The following FGA variants were observed in gnomAD, a reference collection of about 807,000 sequenced individuals.
FGA encodes the protein fibrinogen, A alpha polypeptide.
FGA carries 20 observed loss-of-function variants against 20.3 expected under a neutral mutation model. The observed-to-expected ratio is 0.99, with a 90% CI of 0.69 to 1.43. The LOEUF (loss-of-function observed/expected upper bound fraction) is 1.43. FGA is among the 40% of genes most tolerant of loss of function. The pLI is 0.00. For missense variants in FGA, 777 were observed against 784.7 expected, an observed-to-expected ratio of 0.99 and a Z score of 0.12; for synonymous variants, 306 against 281.6, an observed-to-expected ratio of 1.09 and a Z score of -0.87.
intron 1 of FGA, among the ~76,000 whole-genome samples, 171 bp downstream of exon 1, chr4:154,590,463 A>G (rs1182256084): frequency 6.6e-6 from 1 of 152,164 alleles, no homozygotes; most frequent in African/African-American, 2.4e-5. Flanking sequence ...TTGGTGTCAT[A>G]TTACCCTGTA....
chr4:154,588,849 T>C lies in FGA; in HGVS notation c.308A>G (p.His103Arg). The change falls in exon 3 of 5, where the codon CAT becomes CGT. Residue 103 changes from histidine to arginine, a missense_variant. By Grantham distance (29) the His-to-Arg change is conservative. Coordinates refer to ENST00000403106, the MANE Select transcript of FGA (RefSeq NM_021871.4). Reference sequence around the variant, plus strand: ...TTCCATTATATTAGTGGTCAACGAATGAGAATCCTTATTGTTCTTCTGATA... The same window carrying C: ...TTCCATTATATTAGTGGTCAACGAACGAGAATCCTTATTGTTCTTCTGATA... ...FEYQKNNKDS[H>R]SLTTNIMEIL... 2 of 1,612,172 alleles carry C rather than the reference T, an allele frequency of 1.2e-6. No homozygotes were observed. The highest frequency in any genetic ancestry group is 1.7e-6 in the Non-Finnish European group (2 of 1,178,736).
At position 154,585,970 on chromosome 4, in the gene FGA, C is replaced by A; in HGVS notation, c.1459G>T (p.Asp487Tyr). 1 of 1,614,188 alleles carries A rather than the reference C, an allele frequency of 6.2e-7. No homozygotes were observed. Among genetic ancestry groups the A allele is most frequent in the Non-Finnish European group, 8.5e-7 (1 of 1,180,026 alleles). The change falls in exon 5 of 5, where the codon GAT (aspartate) becomes TAT (tyrosine). Residue 487 changes from aspartate (D) to tyrosine (Y), a missense_variant. Physicochemically the swap from Asp to Tyr is radical, Grantham distance 160. Coordinates refer to ENST00000403106, the MANE Select transcript of FGA (RefSeq NM_021871.4). ...EVTKEVVTSE[D>Y]GSDCPEAMDL... is the part of the protein sequence containing the mutation. ...ATTGCCTCGGGACAGTCAGAACCAT[C>A]TTCGGAGGTCACCACTTCTTTGGTA... is the stretch of plus-strand genomic sequence containing the variant.
chr4:154,588,869 C>G lies in FGA; in HGVS notation c.288G>C (p.Gln96His), dbSNP rs774835956. ...NKLKNSLFEYQKNNKDSHSLT... is the reference protein window; with the variant it reads ...NKLKNSLFEYHKNNKDSHSLT... ...ACGAATGAGAATCCTTATTGTTCTT[C>G]TGATATTCAAATAGTGAATTTTTGA... The change falls in exon 3 of 5, where the codon CAG becomes CAC. Residue 96 changes from glutamine to histidine, a missense_variant. Physicochemically the swap from Gln to His is conservative, Grantham distance 24 (BLOSUM62 0). Transcript: ENST00000403106. 3.7e-6 allele frequency: 6 copies of G among 1,611,604 alleles called. No individual in the cohort carries two copies.
chr4:154,590,553 G>A (rs1360603538), intron 1 of FGA, 81 bp downstream of exon 1: 2 of 1,160,528 alleles, frequency 1.7e-6, no homozygotes, highest in African/African-American at 1.5e-5. Flanking sequence ...AGGACATAGA[G>A]CAGGTAGACT....
At chr4:154,584,736 G>T (rs142544370), downstream of FGA, 7 of 1,613,710 alleles carry the variant, frequency 4.3e-6, no homozygotes, top group South Asian at 2.2e-5. Flanking sequence ...TCTCTTGATC[G>T]CAATAAACAG....
intron 3 of FGA, 138 bp from the exon 4 acceptor site, chr4:154,587,795 G>GAAAGAAAGAAAGAAAT: frequency 1.4e-6 from 1 of 692,900 alleles, no homozygotes; most frequent in Non-Finnish European, 2.4e-6. Context: ...AAGAAAGAAA[G>GAAAGAAAGAAAGAAAT]AAAGAAAGAG....
chr4:154,586,969 A>G (rs764439268), intron 4 of FGA, 51 bp from the exon 5 acceptor site: 6 of 1,562,816 alleles, frequency 3.8e-6, no homozygotes, highest in Admixed American at 3.4e-5. Flanking sequence ...AAATACATAA[A>G]CTACGTCTAT....
At position 154,586,397 on chromosome 4, in the gene FGA, A is replaced by T; in HGVS notation, c.1032T>A (p.Thr344=). The change falls in exon 5 of 5, where the codon ACT becomes ACA. Residue 344 remains threonine (T), a synonymous_variant. Coordinates refer to ENST00000403106, the MANE Select transcript of FGA (RefSeq NM_021871.4). ...TAGGGCTCCCAGGGTTTTGGTTTCC[A>T]GTACTTCCAGTTCCAGAGCTCCCAG... ...WNSGSSGTGS[T]GNQNPGSPRP... 6.2e-7 allele frequency: 1 copy of T among 1,614,098 alleles called. No individual in the cohort carries two copies. The highest frequency in any genetic ancestry group is 8.5e-7 in the Non-Finnish European group (1 of 1,180,004).
chr4:154,583,828 A>G, downstream of FGA: 1 of 367,426 alleles, frequency 2.7e-6, no homozygotes, highest in Non-Finnish European at 5.0e-6. Context: ...ATAGTCTTCA[A>G]GGTTGCAGAG....
rs1022301709 is a variant in FGA, at chr4:154,589,127, A to C, written c.181-151T>G. 1.9e-5 allele frequency: 14 copies of C among 743,224 alleles called. No homozygotes were observed. In the African/African-American group the frequency reaches 2.5e-4, roughly 13 times the overall value. 46.0% of individuals were successfully genotyped at this position (743,224 alleles called of 1,614,324 possible). On this transcript the variant is annotated intron_variant, in intron 2 of 4. Coordinates refer to ENST00000403106, the MANE Select transcript of FGA (RefSeq NM_021871.4). ...GGTAAGAGGACTAGTTAGAGGTCGCAGAGAAACTCTGGAATGAGGGTCCAC... is the reference window on the plus strand; with the variant it reads ...GGTAAGAGGACTAGTTAGAGGTCGCCGAGAAACTCTGGAATGAGGGTCCAC...
At position 154,588,773 on chromosome 4, in the gene FGA, A is replaced by C. The variant is rs1730796810; in HGVS notation, c.364+20T>G. 1 of 1,549,162 alleles carries C rather than the reference A, an allele frequency of 6.5e-7. No homozygotes were observed. The highest frequency in any genetic ancestry group is 8.9e-7 in the Non-Finnish European group (1 of 1,122,734). Reference sequence around the variant, plus strand: ...GTTGTTTCTGTTATAAAGTCAAAGCAGTAAATATGTAATACTTACTATTGG... The same window carrying C: ...GTTGTTTCTGTTATAAAGTCAAAGCCGTAAATATGTAATACTTACTATTGG... On this transcript the variant is annotated intron_variant, in intron 3 of 4. Coordinates refer to ENST00000403106, the MANE Select transcript of FGA (RefSeq NM_021871.4).
chr4:154,585,442 G>A lies in FGA; in HGVS notation c.*52C>T. The stretch of plus-strand genomic sequence containing the variant: ...TCAATGACGTGTAACAGAGAGTTAA[G>A]AAGGAAATGCAAGGGGCCATGGGAA... On this transcript the variant is annotated 3_prime_UTR_variant, in exon 5 of 5. Transcript: ENST00000403106. The A allele has an allele frequency of 7.6e-7, 1 of 1,315,932 alleles. No homozygotes were observed. Among genetic ancestry groups the A allele is most frequent in the Non-Finnish European group, 1.1e-6 (1 of 914,598 alleles). 81.5% of individuals were successfully genotyped at this position (1,315,932 alleles called of 1,614,324 possible).
At chr4:154,589,347 A>G in intron 2 of FGA, 90 bp downstream of exon 2, 1 of 1,504,734 alleles carries the variant, frequency 6.6e-7, no homozygotes, top group South Asian at 1.1e-5. Flanking sequence ...TTTTCTATTT[A>G]AAAAAGTTTC....
rs1029737843 is a variant in FGA, at chr4:154,589,123, T to C, written c.181-147A>G. On this transcript the variant is annotated intron_variant, in intron 2 of 4. Coordinates refer to ENST00000403106, the MANE Select transcript of FGA (RefSeq NM_021871.4). ...AGTAGGTAAGAGGACTAGTTAGAGG[T>C]CGCAGAGAAACTCTGGAATGAGGGT... 4.0e-6 allele frequency: 3 copies of C among 751,626 alleles called. No homozygotes were observed. The African/African-American group carries it at 5.3e-5, about 13-fold the overall frequency. 46.6% of individuals were successfully genotyped at this position (751,626 alleles called of 1,614,324 possible).
In FGA at chr4:154,588,842, C is replaced by A; in HGVS notation, c.315G>T (p.Leu105Phe). 1.2e-6 allele frequency: 2 copies of A among 1,612,212 alleles called. No homozygotes were observed. Among genetic ancestry groups the A allele is most frequent in the Non-Finnish European group, 8.5e-7 (1 of 1,179,074 alleles). ...YQKNNKDSHSLTTNIMEILRG... is the reference protein window; with the variant it reads ...YQKNNKDSHSFTTNIMEILRG... ...TCAAAATTTCCATTATATTAGTGGT[C>A]AACGAATGAGAATCCTTATTGTTCT... The change falls in exon 3 of 5, where the codon TTG becomes TTT. Residue 105 changes from leucine (L) to phenylalanine (F), a missense_variant. Physicochemically the swap from Leu to Phe is conservative, Grantham distance 22 (BLOSUM62 0). Transcript: ENST00000403106.
intron 3 of FGA, among the ~76,000 whole-genome samples, chr4:154,587,992 C>A (rs931389543): frequency 3.9e-5 from 6 of 152,110 alleles, no homozygotes; most frequent in Non-Finnish European, 7.3e-5. Context: ...AGAAGAAGAA[C>A]TTTCTTTGGA....
chr4:154,583,429 C>CT (rs575981036), downstream of FGA: 2 of 151,958 alleles, frequency 1.3e-5, no homozygotes, highest in South Asian at 4.2e-4. Context: ...TGAATTATGT[C>CT]TTTTTTTAAT....
At chr4:154,588,721 C>G in intron 3 of FGA, 72 bp downstream of exon 3, 1 of 1,061,902 alleles carries the variant, frequency 9.4e-7, no homozygotes. Context: ...TAGATATAAG[C>G]GGATATCATA....
At chr4:154,588,388 A>G (rs893650858) in intron 3 of FGA, among the ~76,000 whole-genome samples, 22 of 152,322 alleles carry the variant, frequency 1.4e-4, no homozygotes, top group African/African-American at 4.6e-4. Context: ...TAATCAGCTC[A>G]GTGGAGTCTG....
Sources: allele counts gnomAD v4.1 joint callset (sites outside exome capture counted in the v4.1 genomes callset), GRCh38; gene constraint gnomAD v4.1.1; transcripts MANE v1.5; gene names NCBI Gene and HGNC (gene_info 2026-07-23, HGNC 2026-07-21).